Variants in NDUFC2 observed in about 807,000 individuals in gnomAD.
NDUFC2 encodes NADH:ubiquinone oxidoreductase subunit C2.
In NDUFC2, 2 loss-of-function variants were observed where a neutral mutation model predicts 10.1. The observed-to-expected ratio is 0.20, with a 90% CI of 0.08 to 0.62. The LOEUF is 0.62. Among genes scored for constraint, NDUFC2 ranks in the 20% least tolerant of loss-of-function variants. NDUFC2 has a pLI of 0.87. For synonymous variants in NDUFC2, 61 were observed against 63.6 expected (o/e 0.96, Z 0.20); for missense variants, 156 against 159.6 (o/e 0.98, Z 0.12).
Position 78,076,053 on chromosome 11 carries a change from G to C in NDUFC2, c.167-2912C>G, listed in dbSNP as rs532294143. On this transcript the variant is annotated intron_variant, in intron 1 of 2. Coordinates refer to ENST00000281031, the MANE Select transcript of NDUFC2 (RefSeq NM_004549.6). ...TTGTACCACAATTTGTCTTTTTAAT[G>C]GATATGGCCATCTGGTCTGTAAACC... is the stretch of plus-strand genomic sequence containing the variant. Among the ~76,000 whole-genome samples, 10 of 152,166 alleles carry C rather than the reference G, an allele frequency of 6.6e-5. No homozygotes were observed. The South Asian group carries it at 2.1e-3, about 32-fold the overall frequency.
intron 1 of NDUFC2, among the ~76,000 whole-genome samples, chr11:78,075,533 A>G (rs1008997400): frequency 6.6e-6 from 1 of 152,202 alleles, no homozygotes; most frequent in South Asian, 2.1e-4. Flanking sequence ...TTTCCTGCTA[A>G]TTTGAAAAAG....
intron 1 of NDUFC2, among the ~76,000 whole-genome samples, chr11:78,075,989 C>T (rs530396635): frequency 6.6e-6 from 1 of 152,314 alleles, no homozygotes; most frequent in South Asian, 2.1e-4. Context: ...TTAGAAACAT[C>T]ATTTATGTGA....
At chr11:78,079,464 A>G (rs746289070) in intron 1 of NDUFC2, 115 bp downstream of exon 1, 3 of 1,404,836 alleles carry the variant, frequency 2.1e-6, no homozygotes, top group Non-Finnish European at 2.8e-6. Context: ...AGATGGGGCC[A>G]GCTAGGCAAA....
At chr11:78,079,126 A>AAAAAC (rs1859393759) in intron 1 of NDUFC2, among the ~76,000 whole-genome samples, 1 of 151,482 alleles carries the variant, frequency 6.6e-6, no homozygotes, top group Non-Finnish European at 1.5e-5. Context: ...AAAAAAAAAA[A>AAAAAC]ACCAAGCTCT....
intron 1 of NDUFC2, among the ~76,000 whole-genome samples, chr11:78,074,623 A>C (rs958152804): frequency 2.0e-5 from 3 of 152,118 alleles, no homozygotes; most frequent in Non-Finnish European, 2.9e-5. Context: ...AAAAAAAAAA[A>C]CAAAAAAAGA....
At chr11:78,073,803 A>T (rs12799709) in intron 1 of NDUFC2, among the ~76,000 whole-genome samples, 5 of 6,790 alleles carry the variant, frequency 7.4e-4, no homozygotes, top group African/African-American at 2.3e-3. Context: ...CTCTGTCTCA[A>T]AAAAAAAAAA....
intron 1 of NDUFC2, among the ~76,000 whole-genome samples, chr11:78,076,688 T>C (rs1475185266): frequency 6.6e-6 from 1 of 152,168 alleles, no homozygotes; most frequent in African/African-American, 2.4e-5. Context: ...ATCAAATTAC[T>C]AGTAGGGTGG....
chr11:78,079,550 C>G, intron 1 of NDUFC2, 29 bp downstream of exon 1: 1 of 1,547,020 alleles, frequency 6.5e-7, no homozygotes, highest in Non-Finnish European at 8.7e-7. Context: ...CCTTCTCCTC[C>G]CAGCCGATCC....
Position 78,069,820 on chromosome 11 carries a change from A to T in NDUFC2, c.*167T>A. On this transcript the variant is annotated 3_prime_UTR_variant, in exon 3 of 3. Transcript: ENST00000281031. ...GAAACTGACCATTCTCTGATGATGAACTATTTTTCTTACAACAATAAAGAG... is the reference window on the plus strand; with the variant it reads ...GAAACTGACCATTCTCTGATGATGATCTATTTTTCTTACAACAATAAAGAG... The T allele has an allele frequency of 6.9e-7, 1 of 1,439,908 alleles. No individual in the cohort carries two copies. Among genetic ancestry groups the T allele is most frequent in the Non-Finnish European group, 9.5e-7 (1 of 1,051,568 alleles). 89.2% of individuals were successfully genotyped at this position (1,439,908 alleles called of 1,614,324 possible). A position where few individuals can be genotyped will look rare whatever the true frequency, so the allele number is the denominator to read the frequency against.
intron 1 of NDUFC2, among the ~76,000 whole-genome samples, chr11:78,076,287 A>C (rs1446027185): frequency 6.6e-6 from 1 of 152,162 alleles, no homozygotes; most frequent in Non-Finnish European, 1.5e-5. Context: ...GATTACAGGC[A>C]TGTGCCATCA....
At chr11:78,073,551 A>C (rs1859109505) in intron 1 of NDUFC2, among the ~76,000 whole-genome samples, 1 of 151,794 alleles carries the variant, frequency 6.6e-6, no homozygotes, top group African/African-American at 2.4e-5. Context: ...TCACGCCTGT[A>C]ATACCAGCAC....
rs1175419375 is a variant in NDUFC2, at chr11:78,069,994, A to T, written c.353T>A (p.Ile118Lys). 4 of 1,608,312 alleles carry T rather than the reference A, an allele frequency of 2.5e-6. No homozygotes were observed. The highest frequency in any genetic ancestry group is 3.4e-6 in the Non-Finnish European group (4 of 1,177,024). The change falls in exon 3 of 3, where the codon ATA (isoleucine) becomes AAA (lysine). Residue 118 changes from isoleucine (I) to lysine (K), a missense_variant. Ile to Lys is a moderately radical substitution (Grantham distance 102). Transcript: ENST00000281031. ...YGEIFEKFHPIR is the reference protein window; with the variant it reads ...YGEIFEKFHPKR ...GCAAGCATTTTGAAGACTTCAACGT[A>T]TTGGATGGAATTTTTCAAAAATTTC...
intron 1 of NDUFC2, among the ~76,000 whole-genome samples, chr11:78,078,714 T>A (rs933938882): frequency 6.7e-6 from 1 of 149,320 alleles, no homozygotes; most frequent in African/African-American, 2.5e-5. Context: ...CCAGACCTCA[T>A]GAATCAGGAT....
At position 78,073,141 on chromosome 11, in the gene NDUFC2, C is replaced by T. The variant is rs1334746691; in HGVS notation, c.167G>A (p.Gly56Asp). ...LIRRRPIATA[G>D]LHRQLLYITA... ...AATATATAGAAGCTGGCGATGCAAA[C>T]CTGAAATTCAAATGACAAATCCCAA... Residue 56 changes from glycine to aspartate, a missense_variant and splice_region_variant, in exon 2 of 3, where the codon GGT (glycine) becomes GAT (aspartate). Gly to Asp is a moderately conservative substitution (Grantham distance 94, BLOSUM62 -1). Transcript: ENST00000281031. 1 of 1,610,834 alleles carries T rather than the reference C, an allele frequency of 6.2e-7. No homozygotes were observed. Among genetic ancestry groups the T allele is most frequent in the Admixed American group, 1.7e-5 (1 of 58,828 alleles).
In NDUFC2 at chr11:78,079,600, G is replaced by A. The variant is rs761806852; in HGVS notation, c.145C>T (p.Arg49Trp). 2 of 1,555,550 alleles carry A rather than the reference G, an allele frequency of 1.3e-6. No homozygotes were observed. Among genetic ancestry groups the A allele is most frequent in the African/African-American group, 1.4e-5 (1 of 73,320 alleles). Residue 49 changes from arginine to tryptophan, a missense_variant, in exon 1 of 3, where the codon CGG (arginine) becomes TGG (tryptophan). Physicochemically the swap from Arg to Trp is moderately radical, Grantham distance 101 (BLOSUM62 -3). Transcript: ENST00000281031. ...CSGLIDNLIR[R>W]RPIATAGLHR... is the part of the protein sequence containing the mutation. The stretch of plus-strand genomic sequence containing the variant: ...TCACCAGCCGTCGCGATCGGCCTCC[G>A]CCGGATTAGGTTATCAATCAGGCCG...
intron 1 of NDUFC2, among the ~76,000 whole-genome samples, chr11:78,074,034 T>TTTTC (rs532078836): frequency 5.6e-4 from 79 of 139,954 alleles, no homozygotes; most frequent in East Asian, 4.3e-4. Flanking sequence ...ACCATGCCTT[T>TTTTC]TTTCTTTCTT....
intron 1 of NDUFC2, among the ~76,000 whole-genome samples, chr11:78,079,123 A>AAAAAC (rs1859393029): frequency 6.6e-6 from 1 of 151,560 alleles, no homozygotes; most frequent in Non-Finnish European, 1.5e-5. Context: ...CAAAAAAAAA[A>AAAAAC]AAAACCAAGC....
rs2136849792 is a variant in NDUFC2 at position 78,079,718 on chromosome 11, G to A, written c.27C>T (p.Pro9=). The A allele has an allele frequency of 6.2e-7, 1 of 1,608,558 alleles. No individual in the cohort carries two copies. Among genetic ancestry groups the A allele is most frequent in the Non-Finnish European group, 8.5e-7 (1 of 1,177,964 alleles). Residue 9 remains proline (P), a synonymous_variant, in exon 1 of 3, where the codon CCC becomes CCT. Transcript: ENST00000281031. ...GGGCCTCATCCGGCAGAAACCGTAA[G>A]GGTTCTGGGTTCCGCCGTGCGATCA... is the stretch of plus-strand genomic sequence containing the variant. MIARRNPE[P]LRFLPDEARS...
chr11:78,069,740 G>T lies in NDUFC2; in HGVS notation c.*247C>A. 1.2e-6 allele frequency: 1 copy of T among 817,462 alleles called. No individual in the cohort carries two copies. The highest frequency in any genetic ancestry group is 1.9e-6 in the Non-Finnish European group (1 of 522,608). 50.6% of individuals were successfully genotyped at this position (817,462 alleles called of 1,614,324 possible). ...GCAGTGGGCCAGATTTGGGTAGTCT[G>T]CTAACTCTAAACTAGAATTCAACCT... On this transcript the variant is annotated 3_prime_UTR_variant, in exon 3 of 3. Coordinates refer to ENST00000281031, the MANE Select transcript of NDUFC2 (RefSeq NM_004549.6).
Sources: allele counts gnomAD v4.1 joint callset (sites outside exome capture counted in the v4.1 genomes callset), GRCh38; gene constraint gnomAD v4.1.1; transcripts MANE v1.5; gene names NCBI Gene and HGNC (gene_info 2026-07-23, HGNC 2026-07-21).